Variants in NBPF8 observed in about 807,000 individuals in gnomAD.
NBPF8 encodes the protein NBPF member 8.
At position 120,462,933 on chromosome 1, in the gene NBPF8, G is replaced by T; in HGVS notation, n.3201G>T. ...CAGCAGTGCTGTTTACTCATTGGAG[G>T]AACAGTACCTTGGCTTGGCTCTTGA... On this transcript the variant is annotated non_coding_transcript_exon_variant, in exon 21 of 25. Coordinates refer to ENST00000583271, the Ensembl canonical transcript of NBPF8. The T allele has an allele frequency of 8.3e-6, 4 of 484,482 alleles. No homozygotes were observed. In the South Asian group the frequency reaches 8.5e-5, roughly 10 times the overall value. 30.0% of individuals were successfully genotyped at this position (484,482 alleles called of 1,614,324 possible). A position where few individuals can be genotyped will look rare whatever the true frequency, so the allele number is the denominator to read the frequency against.
At chr1:120,415,272 C>A (rs1347002913), upstream of NBPF8, among the ~76,000 whole-genome samples, 1 of 152,012 alleles carries the variant, frequency 6.6e-6, no homozygotes, top group African/African-American at 2.4e-5. Flanking sequence ...CCAGCGTTTC[C>A]GAGGTGAAGG....
upstream of NBPF8, among the ~76,000 whole-genome samples, chr1:120,416,333 G>A (rs1322901039): frequency 2.5e-5 from 3 of 122,016 alleles, no homozygotes; most frequent in Non-Finnish European, 3.4e-5. Context: ...GTCCGGGCGC[G>A]GTAGATCACA....
upstream of NBPF8, among the ~76,000 whole-genome samples, chr1:120,415,418 C>A (rs1196195705): frequency 6.6e-6 from 1 of 152,040 alleles, no homozygotes; most frequent in African/African-American, 2.4e-5. Context: ...TGTGTTCCGG[C>A]CCCGCCGGGG....
downstream of NBPF8, among the ~76,000 whole-genome samples, chr1:120,468,483 A>G (rs1429225771): frequency 7.2e-6 from 1 of 139,824 alleles, no homozygotes; most frequent in Non-Finnish European, 1.5e-5. Context: ...TGGAGTTTTT[A>G]GGAGATATTG....
chr1:120,420,625 A>G (rs1660547344), intron 1 of NBPF8, among the ~76,000 whole-genome samples: 1 of 148,180 alleles, frequency 6.7e-6, no homozygotes, highest in African/African-American at 2.6e-5. Flanking sequence ...AACATGGCTC[A>G]GTTGCCAGTA....
At chr1:120,452,223 G>C (rs1661298274) in exon 13 of NBPF8, 1 of 1,274,786 alleles carries the variant, frequency 7.8e-7, no homozygotes, top group South Asian at 1.2e-5. Context: ...GCATCTCCAG[G>C]CCCTCCTCAC....
intron 14 of NBPF8, 63 bp downstream of exon 12, chr1:120,453,507 C>T: frequency 2.8e-6 from 3 of 1,083,574 alleles, no homozygotes; most frequent in Admixed American, 1.7e-5. Context: ...CTAGGAGGCA[C>T]ACCCTCTCTG....
Position 120,427,852 on chromosome 1 carries a change from G to A in NBPF8, n.510+5G>A, listed in dbSNP as rs1320199535. Among the ~76,000 whole-genome samples the A allele has an allele frequency of 3.4e-4, 50 of 147,614 alleles. No homozygotes were observed. The highest frequency in any genetic ancestry group is 1.2e-3 in the Admixed American group (17 of 14,720). ...AATGTGAGCCTATGGATCAAGGTGC[G>A]TACTCAAACACAGAGAGCTTTCTGA... On this transcript the variant is annotated splice_donor_5th_base_variant and intron_variant and non_coding_transcript_variant, in intron 3 of 28. Transcript: ENST00000652355.
At position 120,460,026 on chromosome 1, in the gene NBPF8, GT is replaced by G. The variant is rs1178997627; in HGVS notation, n.2784+498del. Among the ~76,000 whole-genome samples, 185 of 152,204 alleles carry G rather than the reference GT, an allele frequency of 1.2e-3. 3 individuals carry two copies. The highest frequency in any genetic ancestry group is 4.3e-3 in the African/African-American group (177 of 41,492). ...TATTCCCATTTTCTGTGTCTTCTAA[GT>G]TCGCTTGCTTTAGCTCATCTGTCCG... On this transcript the variant is annotated intron_variant and non_coding_transcript_variant, in intron 17 of 24. Coordinates refer to ENST00000583271, the Ensembl canonical transcript of NBPF8.
chr1:120,463,097 G>A, intron 21 of NBPF8, 131 bp downstream of exon 19: 1 of 697,980 alleles, frequency 1.4e-6, no homozygotes, highest in Non-Finnish European at 2.6e-6. Flanking sequence ...GGCGCATATA[G>A]GTTGTAATGA....
At position 120,464,288 on chromosome 1, in the gene NBPF8, C is replaced by T. The variant is rs1438169454; in HGVS notation, n.3287-88C>T. 4.3e-6 allele frequency: 3 copies of T among 703,574 alleles called. No individual in the cohort carries two copies. The African/African-American group carries it at 6.1e-5, about 14-fold the overall frequency. 43.6% of individuals were successfully genotyped at this position (703,574 alleles called of 1,614,324 possible). On this transcript the variant is annotated intron_variant and non_coding_transcript_variant, in intron 22 of 24. Transcript: ENST00000583271. ...ATCTATCCTTTTACTTTTTTAACCA[C>T]TTCCTTATGCTACCCATGAAACCTA... is the stretch of plus-strand genomic sequence containing the variant.
At chr1:120,460,612 C>T (rs1553250159) in exon 18 of NBPF8, 8 of 1,397,830 alleles carry the variant, frequency 5.7e-6, no homozygotes, top group African/African-American at 5.7e-5. Context: ...GACCAAGAGG[C>T]AACAGGTCCC....
At chr1:120,462,882 G>A in exon 21 of NBPF8, 1 of 425,976 alleles carries the variant, frequency 2.3e-6, no homozygotes, top group South Asian at 2.2e-5. Context: ...AGGTTATCTT[G>A]AACTGCCTGA....
chr1:120,452,044 G>A (rs878931062), intron 12 of NBPF8, 73 bp from the exon 11 acceptor site: 21 of 1,424,878 alleles, frequency 1.5e-5, no homozygotes, highest in Middle Eastern at 4.9e-4. Context: ...TGTCTCAGAA[G>A]TCTCTGTTGC....
intron 15 of NBPF8, among the ~76,000 whole-genome samples, chr1:120,455,174 A>C (rs1289337921): frequency 6.6e-6 from 1 of 151,882 alleles, no homozygotes; most frequent in Non-Finnish European, 1.5e-5. Context: ...TGACTCAAGC[A>C]GGGAATATGG....
At chr1:120,457,736 A>AT (rs1480856527) in intron 16 of NBPF8, among the ~76,000 whole-genome samples, 8,181 of 48,828 alleles carry the variant, frequency 0.17, 982 homozygotes, top group East Asian at 0.24. Flanking sequence ...TTAAAAAAAA[A>AT]ATATATATAT....
chr1:120,467,832 C>CAT (rs1661782046), downstream of NBPF8: 2 of 152,090 alleles, frequency 1.3e-5, no homozygotes, highest in East Asian at 3.9e-4. Context: ...TTAATAAAAA[C>CAT]ATTTCATTTC....
chr1:120,434,600 T>C (rs1213311568), upstream of NBPF8, among the ~76,000 whole-genome samples: 33 of 151,762 alleles, frequency 2.2e-4, no homozygotes, highest in South Asian at 6.7e-3. Context: ...AGTGAGAACA[T>C]GCTTGCACCG....
At chr1:120,415,391 G>T (rs1263233590), upstream of NBPF8, among the ~76,000 whole-genome samples, 1 of 152,086 alleles carries the variant, frequency 6.6e-6, no homozygotes, top group East Asian at 1.9e-4. Flanking sequence ...GAGGCGGGGT[G>T]GGGGGTTGGG....
Sources: gnomAD v4.1 joint callset for allele counts (sites outside exome capture counted in the v4.1 genomes callset) on GRCh38, gnomAD v4.1.1 for gene constraint, MANE v1.5 for transcripts, NCBI Gene and HGNC (gene_info 2026-07-23, HGNC 2026-07-21) for gene names.